Variants in CDK8 observed in about 807,000 individuals in gnomAD.
The protein encoded by CDK8 is cyclin dependent kinase 8, also known as cyclin-dependent kinase 8.
In CDK8, 29 loss-of-function variants were observed where a neutral mutation model predicts 71.5. The observed-to-expected ratio is 0.41, with a 90% CI of 0.30 to 0.55. CDK8 has a LOEUF of 0.55. CDK8 is among the 20% of genes least tolerant of loss of function. The pLI is 0.37. For missense variants in CDK8, 288 were observed against 572.6 expected, an observed-to-expected ratio of 0.50 and a Z score of 5.07; for synonymous variants, 161 against 192.1, an observed-to-expected ratio of 0.84 and a Z score of 1.34.
chr13:26,397,457 G>C (rs1385819097), intron 9 of CDK8, among the ~76,000 whole-genome samples: 1 of 152,142 alleles, frequency 6.6e-6, no homozygotes, highest in African/African-American at 2.4e-5. Flanking sequence ...ATTTTCTAAA[G>C]ATAGCGATGG....
intron 2 of CDK8, among the ~76,000 whole-genome samples, chr13:26,345,628 C>T (rs992496628): frequency 2.0e-5 from 3 of 152,198 alleles, no homozygotes; most frequent in Non-Finnish European, 2.9e-5. Context: ...AATGATCTGC[C>T]TGCCTCGGCC....
At chr13:26,392,903 A>G (rs914210694) in intron 6 of CDK8, among the ~76,000 whole-genome samples, 1 of 152,194 alleles carries the variant, frequency 6.6e-6, no homozygotes, top group East Asian at 1.9e-4. Context: ...TTTTATCACA[A>G]AAATTTACAC....
intron 1 of CDK8, among the ~76,000 whole-genome samples, chr13:26,302,618 T>C (rs760420375): frequency 2.0e-5 from 3 of 152,154 alleles, no homozygotes; most frequent in Admixed American, 6.5e-5. Context: ...TTTAGAAAGG[T>C]CCCTCTGGCT....
chr13:26,352,461 C>T (rs986184108), intron 3 of CDK8, among the ~76,000 whole-genome samples: 1 of 152,176 alleles, frequency 6.6e-6, no homozygotes, highest in Non-Finnish European at 1.5e-5. Flanking sequence ...CGTGATCCAC[C>T]CGCCTCAGCC....
intron 1 of CDK8, among the ~76,000 whole-genome samples, chr13:26,281,823 G>A (rs1872764730): frequency 6.6e-6 from 1 of 151,674 alleles, no homozygotes; most frequent in African/African-American, 2.4e-5. Context: ...GTTTATTCTA[G>A]AGAATAAATA....
chr13:26,264,023 T>A (rs898250620), intron 1 of CDK8, among the ~76,000 whole-genome samples: 55 of 149,862 alleles, frequency 3.7e-4, no homozygotes, highest in East Asian at 1.4e-3. Context: ...CTGGGATTAC[T>A]GGCGTGAGCC....
rs118011902 is a variant in CDK8 at position 26,378,514 on chromosome 13, T to G, written c.457-4300T>G. 3.8e-3 allele frequency among the ~76,000 whole-genome samples: 577 copies of G among 152,350 alleles called. 2 individuals are homozygous for G. The highest frequency in any genetic ancestry group is 6.4e-3 in the Non-Finnish European group (436 of 68,032). Reference sequence around the variant, plus strand: ...CATTGCTTCAAACAGTAGTATCTCATAGATTTATATCATTTTTCAGATGGC... The same window carrying G: ...CATTGCTTCAAACAGTAGTATCTCAGAGATTTATATCATTTTTCAGATGGC... On this transcript the variant is annotated intron_variant, in intron 4 of 12. Transcript: ENST00000381527.
intron 1 of CDK8, among the ~76,000 whole-genome samples, chr13:26,335,013 C>A (rs1046688905): frequency 1.3e-5 from 2 of 152,182 alleles, no homozygotes; most frequent in Non-Finnish European, 2.9e-5. Context: ...AGCTTGTTCT[C>A]TGGATTTTTT....
intron 1 of CDK8, among the ~76,000 whole-genome samples, chr13:26,268,996 T>G (rs1414836287): frequency 6.6e-6 from 1 of 152,232 alleles, no homozygotes; most frequent in East Asian, 1.9e-4. Context: ...TGTTTCATAC[T>G]GATGTTGGCT....
At position 26,332,899 on chromosome 13, in the gene CDK8, A is replaced by G. The variant is rs759290700; in HGVS notation, c.129-4668A>G. ...CTCTTTCTCTAGTGCTTAGAACACT[A>G]TTTGAGCACCTCTCATCCAAAAGTC... On this transcript the variant is annotated intron_variant, in intron 1 of 12. Transcript: ENST00000381527. Among the ~76,000 whole-genome samples the G allele has an allele frequency of 5.3e-5, 8 of 152,326 alleles. 1 individual carries two copies. Among genetic ancestry groups the G allele is most frequent in the Admixed American group, 2.6e-4 (4 of 15,294 alleles).
At chr13:26,338,098 G>GT (rs755561031) in intron 2 of CDK8, among the ~76,000 whole-genome samples, 6 of 152,046 alleles carry the variant, frequency 3.9e-5, no homozygotes, top group Non-Finnish European at 8.8e-5. Flanking sequence ...TGGAAGCATA[G>GT]TTTTCCATAT....
Position 26,254,222 on chromosome 13 carries a change from T to G in CDK8, c.-420T>G. On this transcript the variant is annotated 5_prime_UTR_variant, in exon 1 of 13. Transcript: ENST00000381527. The surrounding 1 kb of genome is among the most constrained non-coding windows in gnomAD (Gnocchi z 6.7). ...GAGTGTGAGCGTGTGTGTGAGAGCG[T>G]GAGGCGTGAGTGCGCGTGTGAGAGG... 3.7e-6 allele frequency: 1 copy of G among 267,184 alleles called. No individual in the cohort carries two copies. Among genetic ancestry groups the G allele is most frequent in the South Asian group, 7.9e-5 (1 of 12,734 alleles). The allele number at this position is 267,184 out of a possible 1,614,324, so 16.6% of individuals were successfully genotyped here. A position where few individuals can be genotyped will look rare whatever the true frequency, so the allele number is the denominator to read the frequency against.
At chr13:26,402,433 A>ACC (rs1876307297) in intron 12 of CDK8, among the ~76,000 whole-genome samples, 3 of 152,198 alleles carry the variant, frequency 2.0e-5, no homozygotes, top group Non-Finnish European at 4.4e-5. Flanking sequence ...TGTGGGAAGG[A>ACC]TACTGAAAAT....
intron 1 of CDK8, among the ~76,000 whole-genome samples, chr13:26,269,039 C>T (rs9551256): frequency 2.6e-5 from 4 of 152,268 alleles, no homozygotes; most frequent in East Asian, 3.9e-4. Context: ...TTCTCAGTTG[C>T]GTTCACTTAT....
chr13:26,403,869 G>A (rs1876380862), intron 12 of CDK8, 87 bp from the exon 13 acceptor site: 2 of 1,506,536 alleles, frequency 1.3e-6, no homozygotes, highest in Admixed American at 1.8e-5. Context: ...TTTCTTCCTT[G>A]AAACATAATG....
chr13:26,260,611 CTT>C (rs1332517345), intron 1 of CDK8, among the ~76,000 whole-genome samples: 1 of 152,074 alleles, frequency 6.6e-6, no homozygotes, highest in African/African-American at 2.4e-5. Flanking sequence ...TGGAATTTCT[CTT>C]GTTGGGGCTC....
chr13:26,358,294 G>A (rs113814105), intron 4 of CDK8, among the ~76,000 whole-genome samples: 5,372 of 151,656 alleles, frequency 0.035, 309 homozygotes, highest in African/African-American at 0.12. Context: ...GCAAGACTCC[G>A]TCTCAAAAAA....
chr13:26,399,862 A>C (rs1198680397), intron 9 of CDK8, among the ~76,000 whole-genome samples: 1 of 152,230 alleles, frequency 6.6e-6, no homozygotes, highest in East Asian at 1.9e-4. Flanking sequence ...CGACTTTCAG[A>C]GTCTCTGCTC....
At chr13:26,349,231 G>T in intron 3 of CDK8, 49 bp downstream of exon 3, 1 of 1,017,144 alleles carries the variant, frequency 9.8e-7, no homozygotes, top group South Asian at 1.4e-5. Context: ...GGATTGTTAA[G>T]AGTAACTAAA....
Sources: allele counts gnomAD v4.1 joint callset (sites outside exome capture counted in the v4.1 genomes callset), GRCh38; gene constraint gnomAD v4.1.1; non-coding constraint Gnocchi (gnomAD v3.1); transcripts MANE v1.5; gene names NCBI Gene and HGNC (gene_info 2026-07-23, HGNC 2026-07-21).